The following FOXN3 variants were observed in gnomAD, a reference collection of about 807,000 sequenced individuals.
FOXN3 encodes forkhead box protein N3.
In FOXN3, 7 loss-of-function variants were observed where a neutral mutation model predicts 38.4. That is an observed-to-expected ratio of 0.18 (90% confidence interval 0.10 to 0.34). The LOEUF is 0.34. Ranked by LOEUF, FOXN3 falls within the 10% of genes least tolerant of loss-of-function variation. The pLI, the probability that FOXN3 is intolerant of heterozygous loss-of-function variation, is 1.00. For missense variants in FOXN3, 456 were observed against 613.4 expected, an observed-to-expected ratio of 0.74 and a Z score of 2.71; for synonymous variants, 230 against 242.2, an observed-to-expected ratio of 0.95 and a Z score of 0.47.
At chr14:89,424,006 T>G (rs1418769315) in intron 1 of FOXN3, among the ~76,000 whole-genome samples, 3 of 152,210 alleles carry the variant, frequency 2.0e-5, no homozygotes, top group Non-Finnish European at 2.9e-5. Flanking sequence ...CATTTATGCC[T>G]GGCAGAAGAC....
intron 1 of FOXN3, among the ~76,000 whole-genome samples, chr14:89,591,797 T>C (rs1895958876): frequency 6.6e-6 from 1 of 152,092 alleles, no homozygotes; most frequent in Non-Finnish European, 1.5e-5. Flanking sequence ...TGGTGGCACA[T>C]GCCCGTAGTT....
rs150638938 is a variant in FOXN3 at position 89,448,824 on chromosome 14, C to G, written c.-14-36334G>C. Among the ~76,000 whole-genome samples, 19 of 151,996 alleles carry G rather than the reference C, an allele frequency of 1.3e-4. 2 individuals carry two copies. In the East Asian group the frequency reaches 3.7e-3, roughly 29 times the overall value. Reference sequence around the variant, plus strand: ...GATGGGGTGGTGCGGCGCCTGTAGTCCCAGCTACTCAGGAGACTGAGGTGG... The same window carrying G: ...GATGGGGTGGTGCGGCGCCTGTAGTGCCAGCTACTCAGGAGACTGAGGTGG... On this transcript the variant is annotated intron_variant, in intron 1 of 6. Coordinates refer to the FOXN3 transcript ENST00000345097.
intron 1 of FOXN3, among the ~76,000 whole-genome samples, chr14:89,613,141 A>AC (rs1896428770): frequency 2.8e-5 from 4 of 144,522 alleles, no homozygotes; most frequent in South Asian, 4.5e-4. Context: ...AAAAAAAAAA[A>AC]CTCTTACATT....
chr14:89,380,853 G>A (rs994644221), intron 2 of FOXN3, among the ~76,000 whole-genome samples: 4 of 152,032 alleles, frequency 2.6e-5, no homozygotes, highest in African/African-American at 9.7e-5. Flanking sequence ...CAGGCCAGGT[G>A]TGGTCAGGCC....
At chr14:89,396,180 C>T (rs1280119506) in intron 2 of FOXN3, among the ~76,000 whole-genome samples, 1 of 152,150 alleles carries the variant, frequency 6.6e-6, no homozygotes, top group East Asian at 1.9e-4. Flanking sequence ...AAGTTACAAA[C>T]AGAAATGAAA....
Position 89,339,752 on chromosome 14 carries a change from G to T in FOXN3, c.680+10920C>A, listed in dbSNP as rs575002977. ...GCCTCCTCCTCCTGAGGGTGACAGAGCCGCTGTGCCCATCTGCAGCACCAA... is the reference window on the plus strand; with the variant it reads ...GCCTCCTCCTCCTGAGGGTGACAGATCCGCTGTGCCCATCTGCAGCACCAA... On this transcript the variant is annotated intron_variant, in intron 3 of 5. Coordinates refer to ENST00000557258, the MANE Select transcript of FOXN3 (RefSeq NM_005197.4). 2.0e-4 allele frequency among the ~76,000 whole-genome samples: 31 copies of T among 152,316 alleles called. No homozygotes were observed. The East Asian group carries it at 6.0e-3, about 29-fold the overall frequency.
chr14:89,507,030 T>C (rs1163249229), intron 1 of FOXN3, among the ~76,000 whole-genome samples: 1 of 151,982 alleles, frequency 6.6e-6, no homozygotes, highest in African/African-American at 2.4e-5. Context: ...CCAGAGACCT[T>C]TGTTCACTTG....
chr14:89,606,302 A>C (rs1201347957), intron 1 of FOXN3, among the ~76,000 whole-genome samples: 1 of 152,206 alleles, frequency 6.6e-6, no homozygotes, highest in Non-Finnish European at 1.5e-5. Context: ...ACAGATGACT[A>C]CTATCAGAAG....
At chr14:89,182,782 T>C (rs923905554) in intron 4 of FOXN3, among the ~76,000 whole-genome samples, 1 of 152,224 alleles carries the variant, frequency 6.6e-6, no homozygotes, top group Non-Finnish European at 1.5e-5. Context: ...TCTAGACATA[T>C]AGACCAATCG....
chr14:89,172,009 T>C (rs1396770446), intron 5 of FOXN3, among the ~76,000 whole-genome samples: 2 of 152,150 alleles, frequency 1.3e-5, no homozygotes, highest in Non-Finnish European at 2.9e-5. Flanking sequence ...TTTAGCAAGG[T>C]TGCTGGAAAA....
At chr14:89,550,002 G>C (rs1443560952) in intron 1 of FOXN3, among the ~76,000 whole-genome samples, 2 of 152,184 alleles carry the variant, frequency 1.3e-5, no homozygotes, top group Non-Finnish European at 2.9e-5. Flanking sequence ...AATGCATGCG[G>C]CATCACAAGC....
chr14:89,271,034 T>C (rs112584432), intron 4 of FOXN3, among the ~76,000 whole-genome samples: 225 of 152,094 alleles, frequency 1.5e-3, no homozygotes, highest in Non-Finnish European at 2.7e-3. Flanking sequence ...CTCATGCATG[T>C]GCACATACCT....
At position 89,470,880 on chromosome 14, in the gene FOXN3, C is replaced by T. The variant is rs74079167; in HGVS notation, c.-14-58390G>A. 5.2e-3 allele frequency among the ~76,000 whole-genome samples: 796 copies of T among 152,284 alleles called. 3 individuals are homozygous for T. Among genetic ancestry groups the T allele is most frequent in the African/African-American group, 0.018 (752 of 41,548 alleles). ...CCTGACCTTCATGAGGGGGAGGAAC[C>T]TTCTCTACCACTCAGCAATAAGTAG... On this transcript the variant is annotated intron_variant, in intron 1 of 6. Coordinates refer to the FOXN3 transcript ENST00000345097.
intron 4 of FOXN3, among the ~76,000 whole-genome samples, chr14:89,280,520 T>C (rs148544812): frequency 1.5e-3 from 230 of 152,272 alleles, no homozygotes; most frequent in Non-Finnish European, 2.9e-3. Flanking sequence ...AAGAAATGCA[T>C]GCACCTCCAT....
chr14:89,553,620 A>C (rs940257022), intron 1 of FOXN3, among the ~76,000 whole-genome samples: 1 of 152,090 alleles, frequency 6.6e-6, no homozygotes, highest in Non-Finnish European at 1.5e-5. Flanking sequence ...CTATGTAATT[A>C]CCCTGGAGAT....
chr14:89,424,116 T>C (rs529585237), intron 1 of FOXN3, among the ~76,000 whole-genome samples: 3 of 152,322 alleles, frequency 2.0e-5, no homozygotes, highest in African/African-American at 7.2e-5. Flanking sequence ...AACTTGGAAA[T>C]TGCTGAAATA....
At chr14:89,554,222 G>C (rs1225616701) in intron 1 of FOXN3, among the ~76,000 whole-genome samples, 1 of 152,136 alleles carries the variant, frequency 6.6e-6, no homozygotes, top group Non-Finnish European at 1.5e-5. Context: ...GGCTGGTCTT[G>C]AACTCCTGAC....
chr14:89,234,770 G>A (rs1884931618), intron 4 of FOXN3, among the ~76,000 whole-genome samples: 1 of 149,586 alleles, frequency 6.7e-6, no homozygotes, highest in Non-Finnish European at 1.5e-5. Flanking sequence ...GGTAAGGAAA[G>A]TGGAGTTCTC....
At chr14:89,388,291 T>G (rs1358862709) in intron 2 of FOXN3, among the ~76,000 whole-genome samples, 1 of 152,198 alleles carries the variant, frequency 6.6e-6, no homozygotes, top group Non-Finnish European at 1.5e-5. Flanking sequence ...TGAGGCCATC[T>G]GAGCAAAGGA....
Sources: allele counts gnomAD v4.1 joint callset (sites outside exome capture counted in the v4.1 genomes callset), GRCh38; gene constraint gnomAD v4.1.1; transcripts MANE v1.5; gene names NCBI Gene and HGNC (gene_info 2026-07-23, HGNC 2026-07-21).